Variants in ZNF658 observed in about 807,000 individuals in gnomAD.
ZNF658 encodes zinc finger protein 658.
Under a neutral mutation model 78.0 loss-of-function variants are expected in ZNF658, and 46 were observed. That is an observed-to-expected ratio of 0.59 (90% CI 0.47 to 0.75). The LOEUF is 0.75. ZNF658 is among the 30% of genes least tolerant of loss of function. The pLI, the probability that ZNF658 is intolerant of heterozygous loss-of-function variation, is 0.00. For synonymous variants in ZNF658, 279 were observed against 408.4 expected, an observed-to-expected ratio of 0.68 and a Z score of 3.82; for missense variants, 785 against 1,189.3, an observed-to-expected ratio of 0.66 and a Z score of 5.00.
In ZNF658 at chr9:66,920,230, G is replaced by T; in HGVS notation, c.2664G>T (p.Gly888=). ...AACCCTATGAATGTAATGACTGTGG[G>T]AAGACTTTCTCCAAGACATCACATC... The part of the protein sequence containing the change: ...GEKPYECNDC[G]KTFSKTSHLR... Residue 888 remains glycine, a synonymous_variant, in exon 5 of 5, where the codon GGG becomes GGT. Coordinates refer to ENST00000621410, the MANE Select transcript of ZNF658 (RefSeq NM_033160.7). 1.2e-6 allele frequency: 2 copies of T among 1,611,770 alleles called. No individual in the cohort carries two copies. Among genetic ancestry groups the T allele is most frequent in the East Asian group, 2.2e-5 (1 of 44,654 alleles).
downstream of ZNF658, among the ~76,000 whole-genome samples, chr9:66,925,715 G>A (rs1212870645): frequency 6.6e-6 from 1 of 152,012 alleles, no homozygotes; most frequent in South Asian, 2.1e-4. Context: ...AATCAAACAG[G>A]AGAGAATATT....
intron 4 of ZNF658, 48 bp downstream of exon 4, chr9:66,908,782 AGAGG>A (rs1822144641): frequency 6.4e-7 from 1 of 1,557,210 alleles, no homozygotes; most frequent in African/African-American, 1.4e-5. Context: ...CTTAGTCTTT[AGAGG>A]GAGAGCACCT....
At chr9:66,900,929 T>A (rs1247181583) in intron 1 of ZNF658, 93 bp downstream of exon 1, 1 of 151,494 alleles carries the variant, frequency 6.6e-6, no homozygotes, top group East Asian at 2.0e-4. Flanking sequence ...GTCTCAGGAG[T>A]CCCCAGGATG....
chr9:66,908,719 A>T lies in ZNF658; in HGVS notation c.223A>T (p.Asn75Tyr). The change falls in exon 4 of 5, where the codon AAC (asparagine) becomes TAC (tyrosine). Residue 75 changes from asparagine (N) to tyrosine (Y), a missense_variant. By Grantham distance (143) the Asn-to-Tyr change is moderately radical (BLOSUM62 -2). Transcript: ENST00000621410. Reference sequence around the variant, plus strand: ...ATGGTCTTTAGAAGATGAATTCCTGAACCAGAGGTACCCAGGTGAGTGGGC... The same window carrying T: ...ATGGTCTTTAGAAGATGAATTCCTGTACCAGAGGTACCCAGGTGAGTGGGC... ...EPWSLEDEFL[N>Y]QRYPGYFKVD... 6.2e-7 allele frequency: 1 copy of T among 1,611,154 alleles called. No homozygotes were observed. Among genetic ancestry groups the T allele is most frequent in the Non-Finnish European group, 8.5e-7 (1 of 1,178,786 alleles).
intron 2 of ZNF658, among the ~76,000 whole-genome samples, chr9:66,904,455 C>A (rs1822027724): frequency 6.6e-6 from 1 of 151,654 alleles, no homozygotes; most frequent in Non-Finnish European, 1.5e-5. Flanking sequence ...CAGTTTCTGT[C>A]CTTGGCTCTT....
chr9:66,919,768 T>A lies in ZNF658; in HGVS notation c.2202T>A (p.Asn734Lys). 6.2e-7 allele frequency: 1 copy of A among 1,607,494 alleles called. No individual in the cohort carries two copies. Among genetic ancestry groups the A allele is most frequent in the Non-Finnish European group, 8.5e-7 (1 of 1,178,492 alleles). ...AHNSALRAHQ[N>K]IHTGEKLYEC... ...ATTCAGCCCTTAGAGCACATCAGAA[T>A]ATCCACACAGGGGAGAAACTCTATG... Residue 734 changes from asparagine (N) to lysine (K), a missense_variant, in exon 5 of 5, where the codon AAT becomes AAA. Coordinates refer to ENST00000621410, the MANE Select transcript of ZNF658 (RefSeq NM_033160.7).
intron 4 of ZNF658, among the ~76,000 whole-genome samples, chr9:66,915,914 T>G (rs1335488851): frequency 7.2e-6 from 1 of 138,210 alleles, no homozygotes; most frequent in Non-Finnish European, 1.5e-5. Flanking sequence ...AAATATAATT[T>G]TTTTAAAGAC....
chr9:66,908,191 C>G, intron 2 of ZNF658, 47 bp from the exon 3 acceptor site: 1 of 1,612,926 alleles, frequency 6.2e-7, no homozygotes, highest in Non-Finnish European at 8.5e-7. Context: ...AATTCTGAAC[C>G]CTTGAACAAA....
At chr9:66,926,346 A>C (rs1287549804), downstream of ZNF658, among the ~76,000 whole-genome samples, 4 of 150,716 alleles carry the variant, frequency 2.7e-5, no homozygotes, top group Non-Finnish European at 5.9e-5. Context: ...GACTCCACAA[A>C]AAACTGTTAG....
At chr9:66,925,440 T>C (rs1353089600), downstream of ZNF658, among the ~76,000 whole-genome samples, 2 of 152,004 alleles carry the variant, frequency 1.3e-5, no homozygotes, top group Non-Finnish European at 2.9e-5. Flanking sequence ...CCAAAGATCA[T>C]AAGAAACTGC....
Position 66,920,980 on chromosome 9 carries a change from C to T in ZNF658, c.*234C>T, listed in dbSNP as rs1822513583. The T allele has an allele frequency of 1.7e-6, 1 of 583,160 alleles. No individual in the cohort carries two copies. The highest frequency in any genetic ancestry group is 1.9e-5 in the African/African-American group (1 of 53,284). The allele number at this position is 583,160 out of a possible 1,614,324, so 36.1% of individuals were successfully genotyped here. ...AAAAACCCTCACAGTCTTCCTGGTT[C>T]ATAAGATGGATTTGGAGGTTATTTC... On this transcript the variant is annotated 3_prime_UTR_variant, in exon 5 of 5. Coordinates refer to ENST00000621410, the MANE Select transcript of ZNF658 (RefSeq NM_033160.7).
intron 2 of ZNF658, among the ~76,000 whole-genome samples, chr9:66,905,519 A>T (rs1472018635): frequency 6.6e-6 from 1 of 151,456 alleles, no homozygotes; most frequent in African/African-American, 2.4e-5. Flanking sequence ...CTATTCTGTT[A>T]GTCTATTTGG....
At chr9:66,903,894 T>C (rs1019312298) in intron 2 of ZNF658, among the ~76,000 whole-genome samples, 2 of 152,106 alleles carry the variant, frequency 1.3e-5, no homozygotes. Flanking sequence ...AATATAAACA[T>C]AAAGATAACA....
At chr9:66,917,367 T>C (rs1254070091) in intron 4 of ZNF658, among the ~76,000 whole-genome samples, 1 of 146,710 alleles carries the variant, frequency 6.8e-6, no homozygotes. Flanking sequence ...TCTGTGTGCA[T>C]GAAGTATTTA....
rs200608569 is a variant in ZNF658, at chr9:66,928,833, A to C, written c.*55-3192A>C. ...GAGGAGTGGAAGAGAAGGCTTGCCA[A>C]AGGGCAACAGGAACATTTTGGGGTG... On this transcript the variant is annotated intron_variant and NMD_transcript_variant, in intron 6 of 6. Coordinates refer to the ZNF658 transcript ENST00000622180. Among the ~76,000 whole-genome samples the C allele has an allele frequency of 4.0e-4, 59 of 149,220 alleles. No homozygotes were observed. The East Asian group carries it at 8.8e-3, about 22-fold the overall frequency.
intron 2 of ZNF658, among the ~76,000 whole-genome samples, chr9:66,907,775 C>G (rs1341544701): frequency 6.6e-6 from 1 of 152,136 alleles, no homozygotes; most frequent in Non-Finnish European, 1.5e-5. Context: ...AGGAAGTGTT[C>G]TTTTGTGCCA....
chr9:66,909,038 G>A (rs1271382520), intron 4 of ZNF658, among the ~76,000 whole-genome samples: 1 of 152,136 alleles, frequency 6.6e-6, no homozygotes, highest in Non-Finnish European at 1.5e-5. Flanking sequence ...TTAATATGGT[G>A]ATGATTTAAA....
At chr9:66,909,905 G>A (rs1358073375) in intron 4 of ZNF658, among the ~76,000 whole-genome samples, 2 of 152,180 alleles carry the variant, frequency 1.3e-5, no homozygotes, top group Non-Finnish European at 2.9e-5. Context: ...TAAAATGAAA[G>A]TACTAATAAG....
Position 66,920,075 on chromosome 9 carries a change from C to A in ZNF658, c.2509C>A (p.Gln837Lys). The A allele has an allele frequency of 6.2e-7, 1 of 1,612,094 alleles. No individual in the cohort carries two copies. The part of the protein sequence containing the change: ...ECNQCGKTFS[Q>K]RTHLCAHQRI... ...TAACCAATGTGGGAAAACTTTCTCC[C>A]AAAGAACACACCTCTGTGCACATCA... The change falls in exon 5 of 5, where the codon CAA becomes AAA. Residue 837 changes from glutamine (Q) to lysine (K), a missense_variant. Gln to Lys is a moderately conservative substitution (Grantham distance 53). Transcript: ENST00000621410.
Sources: gnomAD v4.1 joint callset for allele counts (sites outside exome capture counted in the v4.1 genomes callset) on GRCh38, gnomAD v4.1.1 for gene constraint, MANE v1.5 for transcripts, NCBI Gene and HGNC (gene_info 2026-07-23, HGNC 2026-07-21) for gene names.